The following RUNX1T1 variants were observed in gnomAD, a reference collection of about 807,000 sequenced individuals.
RUNX1T1 encodes the protein RUNX1 partner transcriptional co-repressor 1.
In RUNX1T1, 4 loss-of-function variants were observed where a neutral mutation model predicts 62.8. The observed-to-expected ratio is 0.06, with a 90% CI of 0.03 to 0.15. The LOEUF (loss-of-function observed/expected upper bound fraction) is 0.15, where lower values mean the gene tolerates loss of function less well. Ranked by LOEUF, RUNX1T1 falls within the 10% of genes least tolerant of loss-of-function variation. The probability of loss-of-function intolerance (pLI) is 1.00; values close to 1 mark genes in which losing one functional copy is unlikely to be tolerated. For synonymous variants in RUNX1T1, 291 were observed against 286.0 expected (o/e 1.02, Z -0.18); for missense variants, 508 against 754.3 (o/e 0.67, Z 3.82).
chr8:91,971,005 G>A, intron 9 of RUNX1T1, 157 bp from the exon 11 acceptor site: 1 of 515,798 alleles, frequency 1.9e-6, no homozygotes, highest in Non-Finnish European at 3.2e-6. Context: ...TCCCCTAGCA[G>A]CTGGAATTAC....
intron 1 of RUNX1T1, among the ~76,000 whole-genome samples, chr8:92,085,075 CCATT>C (rs1380253723): frequency 2.0e-5 from 3 of 152,148 alleles, no homozygotes; most frequent in Non-Finnish European, 2.9e-5. Context: ...TGAGGCCATG[CCATT>C]ATTATCCAGA....
chr8:92,082,812 C>T (rs978167003), intron 1 of RUNX1T1, among the ~76,000 whole-genome samples: 9 of 151,934 alleles, frequency 5.9e-5, no homozygotes, highest in Non-Finnish European at 1.0e-4. Context: ...GAAGGAATGT[C>T]GGGGGAAGGG....
downstream of RUNX1T1, chr8:91,958,435 T>TGGC: frequency 5.1e-6 from 1 of 196,228 alleles, no homozygotes; most frequent in Non-Finnish European, 1.1e-5. Context: ...ACTTCCCTTT[T>TGGC]TGTAAGAATA....
At chr8:92,044,141 A>G (rs1828976854) in intron 1 of RUNX1T1, among the ~76,000 whole-genome samples, 1 of 152,188 alleles carries the variant, frequency 6.6e-6, no homozygotes, top group Non-Finnish European at 1.5e-5. Context: ...AGAAAAGCCC[A>G]TGGTAAATAA....
At chr8:92,076,031 T>A in exon 2 of RUNX1T1, 1 of 1,611,410 alleles carries the variant, frequency 6.2e-7, no homozygotes, top group Non-Finnish European at 8.5e-7. Context: ...GCTCTCCAAG[T>A]GTTTCTTTTG....
At chr8:92,017,729 A>C in intron 1 of RUNX1T1, 1 of 878,836 alleles carries the variant, frequency 1.1e-6, no homozygotes, top group Non-Finnish European at 1.5e-6. Flanking sequence ...ACCCCTCATG[A>C]CAGCTCAGAA....
intron 10 of RUNX1T1, among the ~76,000 whole-genome samples, chr8:91,962,586 G>A (rs1373735002): frequency 3.9e-5 from 6 of 152,228 alleles, no homozygotes; most frequent in Admixed American, 3.9e-4. Context: ...ATGTACAATG[G>A]TTCCACAAAG....
At chr8:92,009,445 T>C (rs917762801) in intron 4 of RUNX1T1, among the ~76,000 whole-genome samples, 2 of 152,158 alleles carry the variant, frequency 1.3e-5, no homozygotes, top group Non-Finnish European at 2.9e-5. Context: ...AAAAGTTATA[T>C]CTTTGATTCC....
chr8:92,014,308 T>C lies in RUNX1T1; in HGVS notation c.387+271A>G, dbSNP rs1052941773. Among the ~76,000 whole-genome samples the C allele has an allele frequency of 1.4e-3, 206 of 152,100 alleles. 2 individuals are homozygous for C. Among genetic ancestry groups the C allele is most frequent in the Non-Finnish European group, 7.8e-4 (53 of 67,990 alleles). On this transcript the variant is annotated intron_variant, in intron 3 of 10. Coordinates refer to ENST00000396218, the Ensembl canonical transcript of RUNX1T1. ...ACACACACACACACACACACATTTA[T>C]ATATATAACATGTTTATGGCCAATA...
intron 8 of RUNX1T1, chr8:91,977,287 A>T (rs1814176762): frequency 5.2e-6 from 1 of 193,566 alleles, no homozygotes; most frequent in East Asian, 8.3e-5. Context: ...AATTATTCCA[A>T]ATATTTAAAA....
At chr8:91,975,476 G>A (rs1563643952) in intron 9 of RUNX1T1, among the ~76,000 whole-genome samples, 1 of 149,118 alleles carries the variant, frequency 6.7e-6, no homozygotes, top group South Asian at 2.1e-4. Context: ...TAGATTTGAT[G>A]TTGGTTTCGT....
intron 5 of RUNX1T1, among the ~76,000 whole-genome samples, chr8:91,998,584 G>A (rs1157720804): frequency 6.6e-6 from 1 of 152,202 alleles, no homozygotes; most frequent in African/African-American, 2.4e-5. Flanking sequence ...GGTTGGGGGA[G>A]CCATCTGAGC....
chr8:92,063,974 C>A (rs1832475122), upstream of RUNX1T1, among the ~76,000 whole-genome samples: 1 of 152,148 alleles, frequency 6.6e-6, no homozygotes. Flanking sequence ...TTCCTTCAGT[C>A]CTCAACATGT....
chr8:91,999,082 G>T (rs1313204508), intron 5 of RUNX1T1, among the ~76,000 whole-genome samples: 1 of 152,156 alleles, frequency 6.6e-6, no homozygotes. Context: ...AAAGATGAGA[G>T]AAACATGGTC....
chr8:92,095,819 A>G (rs1257855739), intron 1 of RUNX1T1, among the ~76,000 whole-genome samples: 2 of 152,072 alleles, frequency 1.3e-5, no homozygotes, highest in Non-Finnish European at 1.5e-5. Context: ...CCACCCAAAG[A>G]AGGGAGGAAT....
intron 1 of RUNX1T1, among the ~76,000 whole-genome samples, chr8:92,018,379 G>C (rs529004829): frequency 1.3e-5 from 2 of 152,292 alleles, no homozygotes; most frequent in African/African-American, 4.8e-5. Context: ...ATTCAAATAA[G>C]AGCATTTGCA....
chr8:92,037,728 G>T (rs781110519), intron 1 of RUNX1T1, among the ~76,000 whole-genome samples: 40 of 152,050 alleles, frequency 2.6e-4, no homozygotes, highest in Non-Finnish European at 5.0e-4. Context: ...AAAAGCAGAG[G>T]AGTATAATCT....
chr8:91,972,698 G>A (rs775613383), intron 9 of RUNX1T1, among the ~76,000 whole-genome samples: 1 of 152,016 alleles, frequency 6.6e-6, no homozygotes, highest in Non-Finnish European at 1.5e-5. Context: ...TTGACTAATT[G>A]TATATGCAAA....
At chr8:92,026,927 C>T (rs898367306) in intron 1 of RUNX1T1, among the ~76,000 whole-genome samples, 1 of 151,074 alleles carries the variant, frequency 6.6e-6, no homozygotes, top group African/African-American at 2.4e-5. Context: ...ACCATCCTGG[C>T]TGACACGGTG....
Sources: allele counts gnomAD v4.1 joint callset (sites outside exome capture counted in the v4.1 genomes callset), GRCh38; gene constraint gnomAD v4.1.1; transcripts MANE v1.5; gene names NCBI Gene and HGNC (gene_info 2026-07-23, HGNC 2026-07-21).